METTL8: variants seen among roughly 807,000 people sequenced by gnomAD.
The protein encoded by METTL8 is tRNA N(3)-cytidine methyltransferase METTL8, mitochondrial.
Under a neutral mutation model 48.7 loss-of-function variants are expected in METTL8, and 32 were observed. The observed-to-expected ratio is 0.66, with a 90% CI of 0.50 to 0.88. The LOEUF is 0.88. Among genes scored for constraint, METTL8 ranks in the 40% least tolerant of loss-of-function variants. The pLI, the probability that METTL8 is intolerant of heterozygous loss-of-function variation, is 0.00. For missense variants in METTL8, 464 were observed against 474.4 expected (o/e 0.98, Z 0.20); for synonymous variants, 136 against 157.1 (o/e 0.87, Z 1.01).
chr2:171,396,341 TATA>T (rs1360498226), intron 1 of METTL8, among the ~76,000 whole-genome samples: 1 of 152,120 alleles, frequency 6.6e-6, no homozygotes, highest in Non-Finnish European at 1.5e-5. Context: ...GCTTTTTGAC[TATA>T]ATAATATTAA....
chr2:171,371,864 T>C (rs1397950687), intron 2 of METTL8, among the ~76,000 whole-genome samples: 3 of 148,416 alleles, frequency 2.0e-5, no homozygotes, highest in Non-Finnish European at 3.0e-5. Flanking sequence ...TTATTATTAT[T>C]ATTATTGTAG....
rs1476026080 is a variant in METTL8, at chr2:171,347,308, G to A, written c.236-7754C>T. 2.6e-5 allele frequency among the ~76,000 whole-genome samples: 4 copies of A among 152,278 alleles called. No homozygotes were observed. In the East Asian group the frequency reaches 7.7e-4, roughly 29 times the overall value. ...TTCCTGCTTCTACAGAGAGAGGCCA[G>A]TCACCACCTTTCTATTTCAGTCACA... On this transcript the variant is annotated intron_variant, in intron 3 of 9. Coordinates refer to ENST00000375258, the MANE Select transcript of METTL8 (RefSeq NM_001321154.2).
intron 4 of METTL8, among the ~76,000 whole-genome samples, chr2:171,337,980 T>A (rs1284868028): frequency 1.3e-5 from 2 of 152,162 alleles, no homozygotes; most frequent in African/African-American, 4.8e-5. Context: ...AATGAGGGTG[T>A]GATGAAACAG....
chr2:171,354,604 C>G (rs541749055), intron 3 of METTL8, among the ~76,000 whole-genome samples: 1 of 152,218 alleles, frequency 6.6e-6, no homozygotes. Context: ...ACCAATCAGA[C>G]GTAGATTTGG....
chr2:171,334,361 C>G (rs1040722500), intron 5 of METTL8, among the ~76,000 whole-genome samples: 18 of 152,154 alleles, frequency 1.2e-4, no homozygotes, highest in African/African-American at 4.3e-4. Context: ...CAGTGACTTT[C>G]CAGAACCTTT....
At chr2:171,429,332 T>C (rs1692742558) in intron 1 of METTL8, among the ~76,000 whole-genome samples, 1 of 152,190 alleles carries the variant, frequency 6.6e-6, no homozygotes, top group East Asian at 1.9e-4. Context: ...AAAGGACAAA[T>C]GAAGCCATGA....
intron 1 of METTL8, among the ~76,000 whole-genome samples, chr2:171,399,750 T>C (rs1464863493): frequency 6.6e-6 from 1 of 152,192 alleles, no homozygotes; most frequent in Non-Finnish European, 1.5e-5. Context: ...ATTTTGCTTT[T>C]GGGGAGCAAT....
intron 1 of METTL8, among the ~76,000 whole-genome samples, chr2:171,431,720 C>G (rs1217872970): frequency 6.6e-6 from 1 of 152,236 alleles, no homozygotes; most frequent in Admixed American, 6.5e-5. Context: ...CAACAAGAAG[C>G]AGGGCGGGGG....
intron 2 of METTL8, chr2:171,374,929 C>T: frequency 1.6e-6 from 2 of 1,247,608 alleles, no homozygotes; most frequent in East Asian, 4.6e-5. Context: ...GAACTCAGCT[C>T]CTTACATGGG....
At chr2:171,356,952 A>ATGTTTTTTTTTTG in intron 3 of METTL8, among the ~76,000 whole-genome samples, 1 of 78,468 alleles carries the variant, frequency 1.3e-5, no homozygotes, top group Non-Finnish European at 2.4e-5. Context: ...CAAAGACAAT[A>ATGTTTTTTTTTTG]TTTTTTTTTT....
chr2:171,375,062 A>C, intron 2 of METTL8: 1 of 1,130,846 alleles, frequency 8.8e-7, no homozygotes, highest in Middle Eastern at 2.7e-4. Context: ...CTCACACAGT[A>C]ATATAGCTTC....
intron 1 of METTL8, among the ~76,000 whole-genome samples, chr2:171,432,328 G>C (rs1375546829): frequency 6.6e-6 from 1 of 152,204 alleles, no homozygotes; most frequent in Non-Finnish European, 1.5e-5. Flanking sequence ...GTGAAATGAA[G>C]ATGAGATGGA....
At chr2:171,399,551 G>C (rs1689442073) in intron 1 of METTL8, among the ~76,000 whole-genome samples, 1 of 152,088 alleles carries the variant, frequency 6.6e-6, no homozygotes, top group Admixed American at 6.6e-5. Context: ...TGATACAGAA[G>C]GCCAACTTAT....
rs1280528453 is a variant in METTL8 at position 171,322,052 on chromosome 2, T to A, written c.*2120A>T. ...ATCTCGGCTCACTGCAACCTCTGCC[T>A]CCCGGGTTCAAGTGATTCTCCTGCC... On this transcript the variant is annotated 3_prime_UTR_variant, in exon 10 of 10. Coordinates refer to ENST00000375258, the MANE Select transcript of METTL8 (RefSeq NM_001321154.2). 1 of 151,178 alleles carries A rather than the reference T, an allele frequency of 6.6e-6. No individual in the cohort carries two copies. The highest frequency in any genetic ancestry group is 6.6e-5 in the Admixed American group (1 of 15,124). 9.4% of individuals were successfully genotyped at this position (151,178 alleles called of 1,614,324 possible).
At chr2:171,415,104 G>C (rs747130708) in intron 1 of METTL8, among the ~76,000 whole-genome samples, 53 of 152,168 alleles carry the variant, frequency 3.5e-4, no homozygotes, top group Middle Eastern at 3.4e-3. Context: ...TCTGGGGTAT[G>C]TCTTTATCAG....
intron 2 of METTL8, among the ~76,000 whole-genome samples, chr2:171,361,943 G>A (rs1685208696): frequency 2.0e-5 from 3 of 152,228 alleles, no homozygotes; most frequent in African/African-American, 7.2e-5. Flanking sequence ...GGGGCAAATA[G>A]GAAGGCTTAA....
At chr2:171,425,596 T>A (rs1052433204) in intron 1 of METTL8, among the ~76,000 whole-genome samples, 14 of 152,126 alleles carry the variant, frequency 9.2e-5, no homozygotes, top group African/African-American at 3.4e-4. Flanking sequence ...TGTGTCAATA[T>A]CCAGTGAGGG....
At chr2:171,419,082 A>C (rs1380852156) in intron 1 of METTL8, among the ~76,000 whole-genome samples, 1 of 150,902 alleles carries the variant, frequency 6.6e-6, no homozygotes, top group East Asian at 1.9e-4. Context: ...TAGTTCCATC[A>C]CTGTGTTTTT....
chr2:171,407,778 C>T (rs1213997925), intron 1 of METTL8, among the ~76,000 whole-genome samples: 1 of 152,206 alleles, frequency 6.6e-6, no homozygotes, highest in African/African-American at 2.4e-5. Flanking sequence ...ATAACTGCTA[C>T]TTGATTTCAG....
Sources: gnomAD v4.1 joint callset for allele counts (sites outside exome capture counted in the v4.1 genomes callset) on GRCh38, gnomAD v4.1.1 for gene constraint, MANE v1.5 for transcripts, NCBI Gene and HGNC (gene_info 2026-07-23, HGNC 2026-07-21) for gene names.